Variants in SLIT3 observed in about 807,000 individuals in gnomAD.
SLIT3 encodes the protein slit homolog 3 protein.
A neutral mutation model predicts 184.0 loss-of-function variants in SLIT3; 68 were observed. The ratio of observed to expected loss-of-function variants is 0.37; its 90% CI spans 0.30 to 0.45. The LOEUF is 0.45. Among genes scored for constraint, SLIT3 ranks in the 20% least tolerant of loss-of-function variants. SLIT3 has a pLI of 1.00. For missense variants in SLIT3, 1,707 were observed against 2,026.0 expected (o/e 0.84, Z 3.02); for synonymous variants, 831 against 828.6 (o/e 1.00, Z -0.05).
intron 4 of SLIT3, among the ~76,000 whole-genome samples, chr5:168,965,899 G>GGAGAAACAAGATCTGCTTTCT (rs1763170086): frequency 6.6e-6 from 1 of 152,136 alleles, no homozygotes; most frequent in East Asian, 1.9e-4. Flanking sequence ...CTGTTTAGTG[G>GGAGAAACAAGATCTGCTTTCT]GAGAAACAAG....
At chr5:169,213,593 T>C (rs941397428) in intron 3 of SLIT3, among the ~76,000 whole-genome samples, 4 of 152,228 alleles carry the variant, frequency 2.6e-5, no homozygotes, top group African/African-American at 9.6e-5. Flanking sequence ...GAGATCTTCC[T>C]TGACCATCCC....
At position 168,779,657 on chromosome 5, in the gene SLIT3, A is replaced by G. The variant is rs118114828; in HGVS notation, c.1152-5279T>C. On this transcript the variant is annotated intron_variant, in intron 12 of 35. Coordinates refer to ENST00000519560, the MANE Select transcript of SLIT3 (RefSeq NM_003062.4). Reference sequence around the variant, plus strand: ...TCAGGAAAACCAAAGCAGAAAACAGAAGCCACTGGGAGTCAAAAAAGCTAG... The same window carrying G: ...TCAGGAAAACCAAAGCAGAAAACAGGAGCCACTGGGAGTCAAAAAAGCTAG... Among the ~76,000 whole-genome samples, 6 of 152,314 alleles carry G rather than the reference A, an allele frequency of 3.9e-5. No homozygotes were observed. The East Asian group carries it at 1.2e-3, about 29-fold the overall frequency.
intron 4 of SLIT3, among the ~76,000 whole-genome samples, chr5:169,185,501 T>C (rs565445591): frequency 1.3e-3 from 199 of 152,366 alleles, no homozygotes; most frequent in African/African-American, 4.6e-3. Context: ...TATTATCATT[T>C]CACCACATCA....
chr5:169,209,610 G>A (rs980337222), intron 3 of SLIT3, among the ~76,000 whole-genome samples: 1 of 152,216 alleles, frequency 6.6e-6, no homozygotes. Flanking sequence ...GGAATACTAT[G>A]CAGCCATAGA....
intron 5 of SLIT3, among the ~76,000 whole-genome samples, chr5:168,857,560 C>T (rs866051237): frequency 6.6e-6 from 1 of 152,014 alleles, no homozygotes; most frequent in South Asian, 2.1e-4. Flanking sequence ...TTCTATGGGC[C>T]CCTCAAGAGC....
At chr5:169,146,131 T>G (rs1227624337) in intron 4 of SLIT3, among the ~76,000 whole-genome samples, 2 of 152,260 alleles carry the variant, frequency 1.3e-5, no homozygotes, top group East Asian at 1.9e-4. Context: ...TCATGAGGAA[T>G]GTATTACGAA....
intron 6 of SLIT3, among the ~76,000 whole-genome samples, chr5:168,828,722 A>T (rs1017647728): frequency 2.6e-5 from 4 of 151,026 alleles, no homozygotes; most frequent in Non-Finnish European, 5.9e-5. Context: ...ACCTGGTAAC[A>T]TGTTAGAAAT....
chr5:168,946,357 C>T (rs1176454351), intron 4 of SLIT3, among the ~76,000 whole-genome samples: 1 of 152,202 alleles, frequency 6.6e-6, no homozygotes, highest in Non-Finnish European at 1.5e-5. Context: ...GCCTTAGTAT[C>T]ACCCACAGAT....
chr5:169,112,929 G>T (rs376785238), intron 4 of SLIT3, among the ~76,000 whole-genome samples: 1 of 152,040 alleles, frequency 6.6e-6, no homozygotes, highest in South Asian at 2.1e-4. Flanking sequence ...CAGGCCTAGG[G>T]GTAGATGCAG....
chr5:168,867,316 T>C (rs186174307), intron 5 of SLIT3, among the ~76,000 whole-genome samples: 17 of 152,364 alleles, frequency 1.1e-4, no homozygotes, highest in Admixed American at 4.6e-4. Context: ...AGTCGTTGAC[T>C]CTACTTTGTT....
Position 168,673,266 on chromosome 5 carries a change from T to A in SLIT3, c.3752A>T (p.Asn1251Ile), listed in dbSNP as rs1761308468. 1 of 1,613,956 alleles carries A rather than the reference T, an allele frequency of 6.2e-7. No homozygotes were observed. Among genetic ancestry groups the A allele is most frequent in the Non-Finnish European group, 8.5e-7 (1 of 1,180,018 alleles). The change falls in exon 33 of 36, where the codon AAC becomes ATC. Residue 1251 changes from asparagine to isoleucine, a missense_variant. By Grantham distance (149) the Asn-to-Ile change is moderately radical (BLOSUM62 -3). This residue lies in a region of SLIT3 where 387 missense variants were observed against 477.9 expected (regional missense o/e 0.81). Transcript: ENST00000519560. ...VELVTLNQTLNLVVDKGTPKS... is the reference protein window; with the variant it reads ...VELVTLNQTLILVVDKGTPKS... ...TGGAGTTCCTTTGTCCACTACTAGG[T>A]TCAGGGTCTGGTTTAGCGTCACCAG...
intron 3 of SLIT3, among the ~76,000 whole-genome samples, chr5:169,232,659 T>G (rs1217797127): frequency 1.3e-5 from 2 of 152,242 alleles, no homozygotes; most frequent in African/African-American, 4.8e-5. Flanking sequence ...CACAATTTTT[T>G]AGACAGACCA....
At chr5:168,758,290 G>A (rs755995395) in intron 16 of SLIT3, among the ~76,000 whole-genome samples, 1 of 152,192 alleles carries the variant, frequency 6.6e-6, no homozygotes, top group Non-Finnish European at 1.5e-5. Flanking sequence ...AAAACTGGGA[G>A]GATGAAAGAT....
intron 12 of SLIT3, among the ~76,000 whole-genome samples, chr5:168,780,520 A>G (rs1755932739): frequency 6.6e-6 from 1 of 152,226 alleles, no homozygotes; most frequent in African/African-American, 2.4e-5. Context: ...TTAGTAGGAG[A>G]ATTTACAAAA....
chr5:168,803,715 G>A (rs552564724), intron 9 of SLIT3, among the ~76,000 whole-genome samples: 14 of 152,090 alleles, frequency 9.2e-5, no homozygotes, highest in African/African-American at 1.7e-4. Context: ...GCCGAGGGAC[G>A]GTCTATGGCT....
chr5:169,006,578 TTCTCTCTC>T (rs369079733), intron 4 of SLIT3, among the ~76,000 whole-genome samples: 4 of 140,212 alleles, frequency 2.9e-5, no homozygotes, highest in East Asian at 2.1e-4. Context: ...TTTCCCCCTC[TTCTCTCTC>T]TCTCTCTCTC....
intron 4 of SLIT3, among the ~76,000 whole-genome samples, chr5:169,052,028 T>C (rs1757833214): frequency 6.6e-6 from 1 of 152,046 alleles, no homozygotes; most frequent in Admixed American, 6.5e-5. Context: ...CTAGTTACAA[T>C]AACCGGACAT....
intron 5 of SLIT3, among the ~76,000 whole-genome samples, chr5:168,871,640 A>C (rs1258325034): frequency 6.6e-6 from 1 of 152,164 alleles, no homozygotes; most frequent in African/African-American, 2.4e-5. Flanking sequence ...GAAACTATAA[A>C]TATGACTTTT....
intron 32 of SLIT3, among the ~76,000 whole-genome samples, chr5:168,682,949 C>A (rs919128693): frequency 6.6e-6 from 1 of 151,856 alleles, no homozygotes; most frequent in Non-Finnish European, 1.5e-5. Flanking sequence ...ATATTTATAA[C>A]TAAATTTTTA....
Sources: allele counts gnomAD v4.1 joint callset (sites outside exome capture counted in the v4.1 genomes callset), GRCh38; gene constraint gnomAD v4.1.1; regional missense constraint gnomAD v4.1.1; transcripts MANE v1.5; gene names NCBI Gene and HGNC (gene_info 2026-07-23, HGNC 2026-07-21).